Variants in MAP4K3 observed in about 807,000 individuals in gnomAD.
MAP4K3 encodes the protein mitogen-activated protein kinase kinase kinase kinase 3.
A neutral mutation model predicts 143.5 loss-of-function variants in MAP4K3; 94 were observed. The ratio of observed to expected loss-of-function variants is 0.65; its 90% CI spans 0.55 to 0.78. MAP4K3 has a LOEUF of 0.78. Among genes scored for constraint, MAP4K3 ranks in the 30% least tolerant of loss-of-function variants. The pLI is 0.00. For missense variants in MAP4K3, 1,077 were observed against 1,068.1 expected (o/e 1.01, Z -0.12); for synonymous variants, 416 against 347.2 (o/e 1.20, Z -2.20).
chr2:39,267,769 A>G (rs1417504392), intron 26 of MAP4K3, among the ~76,000 whole-genome samples: 4 of 152,182 alleles, frequency 2.6e-5, no homozygotes, highest in Non-Finnish European at 5.9e-5. Context: ...AAATATGAAA[A>G]CAAACTATAG....
intron 2 of MAP4K3, among the ~76,000 whole-genome samples, chr2:39,375,860 C>T (rs981882508): frequency 6.6e-6 from 1 of 152,212 alleles, no homozygotes; most frequent in Admixed American, 6.5e-5. Context: ...GTGTGTCTAG[C>T]TCCTTTCACT....
chr2:39,257,279 C>T (rs1290198686), intron 31 of MAP4K3, among the ~76,000 whole-genome samples: 14 of 152,132 alleles, frequency 9.2e-5, no homozygotes. Flanking sequence ...TGAATGTAGT[C>T]ATTTAAAAGT....
At chr2:39,299,680 T>C (rs531420112) in intron 16 of MAP4K3, 63 bp downstream of exon 16, 6 of 851,616 alleles carry the variant, frequency 7.0e-6, no homozygotes, top group Middle Eastern at 7.2e-4. Flanking sequence ...TATTAAAATA[T>C]AATATTAAAG....
chr2:39,434,017 A>T (rs1359805160), intron 1 of MAP4K3, among the ~76,000 whole-genome samples: 1 of 152,236 alleles, frequency 6.6e-6, no homozygotes, highest in Non-Finnish European at 1.5e-5. Context: ...ATCCTTGTTC[A>T]GTGCTTTGGA....
chr2:39,293,275 AG>A lies in MAP4K3; in HGVS notation c.1179-8del. The A allele has an allele frequency of 6.6e-7, 1 of 1,519,648 alleles. No homozygotes were observed. The highest frequency in any genetic ancestry group is 8.9e-7 in the Non-Finnish European group (1 of 1,123,276). 94.1% of individuals were successfully genotyped at this position (1,519,648 alleles called of 1,614,324 possible). The stretch of plus-strand genomic sequence containing the variant: ...AACAGACTTGAGAAGACTCCTTAAA[AG>A]AAAAAACAAAAACAAAAAATAATGT... On this transcript the variant is annotated splice_polypyrimidine_tract_variant and splice_region_variant and intron_variant, in intron 16 of 33. Transcript: ENST00000263881.
At chr2:39,341,669 AT>A (rs1665143907) in intron 4 of MAP4K3, among the ~76,000 whole-genome samples, 1 of 151,794 alleles carries the variant, frequency 6.6e-6, no homozygotes, top group African/African-American at 2.4e-5. Flanking sequence ...AAAAAAAAAA[AT>A]TCAGCAAAAG....
rs1014877974 is a variant in MAP4K3 at position 39,280,427 on chromosome 2, T to C, written c.1630-71A>G. The C allele has an allele frequency of 6.1e-6, 5 of 820,420 alleles. No individual in the cohort carries two copies. The East Asian group carries it at 1.1e-4, about 18-fold the overall frequency. The allele number at this position is 820,420 out of a possible 1,614,324, so 50.8% of individuals were successfully genotyped here. A position where few individuals can be genotyped will look rare whatever the true frequency, so the allele number is the denominator to read the frequency against. ...GTCTTTAATATATAAAATGTAACTA[T>C]TATCTATTTTAATGTGAGAGTCTAT... On this transcript the variant is annotated intron_variant, in intron 22 of 33. Coordinates refer to ENST00000263881, the MANE Select transcript of MAP4K3 (RefSeq NM_003618.4).
intron 1 of MAP4K3, among the ~76,000 whole-genome samples, chr2:39,380,501 G>A (rs931981727): frequency 6.6e-6 from 1 of 152,010 alleles, no homozygotes; most frequent in Non-Finnish European, 1.5e-5. Flanking sequence ...TTAAAAAGGA[G>A]AGCAAGATAG....
At chr2:39,431,585 G>C (rs2148639217) in intron 1 of MAP4K3, among the ~76,000 whole-genome samples, 1 of 152,254 alleles carries the variant, frequency 6.6e-6, no homozygotes, top group South Asian at 2.1e-4. Context: ...CATTTGAGCT[G>C]AGACTTTAAA....
chr2:39,380,013 A>G (rs1410161844), intron 1 of MAP4K3, among the ~76,000 whole-genome samples: 2 of 152,272 alleles, frequency 1.3e-5, no homozygotes, highest in African/African-American at 2.4e-5. Flanking sequence ...ACCAAGGTCA[A>G]TATTTCCTAT....
intron 1 of MAP4K3, among the ~76,000 whole-genome samples, chr2:39,381,859 C>T (rs1326381637): frequency 6.6e-6 from 1 of 152,152 alleles, no homozygotes; most frequent in Admixed American, 6.5e-5. Flanking sequence ...AGACATCCTT[C>T]GAAGCTCAGC....
intron 24 of MAP4K3, among the ~76,000 whole-genome samples, chr2:39,277,331 TTCA>T (rs1445930327): frequency 6.6e-5 from 10 of 152,206 alleles, no homozygotes; most frequent in Non-Finnish European, 1.2e-4. Flanking sequence ...CAAACTTCTA[TTCA>T]TCATAATTTA....
In MAP4K3 at chr2:39,410,354, G is replaced by A. The variant is rs867008122; in HGVS notation, c.96+26538C>T. On this transcript the variant is annotated intron_variant, in intron 1 of 33. Coordinates refer to ENST00000263881, the MANE Select transcript of MAP4K3 (RefSeq NM_003618.4). Reference sequence around the variant, plus strand: ...CATCCTGTACCCATGTCAATAATTAGACATAATTTTACAATCCTAGAAAAT... The same window carrying A: ...CATCCTGTACCCATGTCAATAATTAAACATAATTTTACAATCCTAGAAAAT... Among the ~76,000 whole-genome samples, 4 of 152,104 alleles carry A rather than the reference G, an allele frequency of 2.6e-5. No individual in the cohort carries two copies. In the South Asian group the frequency reaches 8.3e-4, roughly 32 times the overall value.
At position 39,431,935 on chromosome 2, in the gene MAP4K3, T is replaced by C. The variant is rs1022903447; in HGVS notation, c.96+4957A>G. Among the ~76,000 whole-genome samples, 35 of 152,274 alleles carry C rather than the reference T, an allele frequency of 2.3e-4. 1 individual carries two copies. The highest frequency in any genetic ancestry group is 6.5e-5 in the Admixed American group (1 of 15,296). ...CCAGAACCCTGTTCTCAAATCACTA[T>C]GCTGTGCTACAGAGGTCGGTTGTGC... On this transcript the variant is annotated intron_variant, in intron 1 of 33. Transcript: ENST00000263881.
intron 1 of MAP4K3, among the ~76,000 whole-genome samples, chr2:39,389,661 T>A (rs1305682728): frequency 6.6e-6 from 1 of 152,190 alleles, no homozygotes; most frequent in Non-Finnish European, 1.5e-5. Flanking sequence ...CAGTCTAGAA[T>A]TATATTCTCA....
chr2:39,282,543 A>G lies in MAP4K3; in HGVS notation c.1599T>C (p.Ser533=). The G allele has an allele frequency of 6.2e-7, 1 of 1,611,508 alleles. No individual in the cohort carries two copies. The highest frequency in any genetic ancestry group is 8.5e-7 in the Non-Finnish European group (1 of 1,178,502). ...CTTTAGGTGTTGGAGGAAGACCATT[A>G]CTAATAGGCTTCTAGAAAAAGAACA... ...KEKKDVPKPI[S]NGLPPTPKVH... is the part of the protein sequence containing the mutation. Residue 533 remains serine (S), a synonymous_variant, in exon 22 of 34, where the codon AGT becomes AGC. Transcript: ENST00000263881.
At chr2:39,286,823 A>T (rs1191777679) in intron 21 of MAP4K3, 29 bp downstream of exon 21, 2 of 1,428,288 alleles carry the variant, frequency 1.4e-6, no homozygotes, top group East Asian at 4.6e-5. Context: ...AAACAAATAC[A>T]AGTAGAACTT....
In MAP4K3 at chr2:39,288,230, AT is replaced by A; in HGVS notation, c.1364del (p.Asn455IlefsTer37). The stretch of plus-strand genomic sequence containing the variant: ...TGGGACATCTCTTGATTGTTCCTTG[AT>A]TTTCATCCTCAGTAGAATGCATTTC... ...PQEMHSTEDE[N>X]QGTIKRCPMS... is the part of the protein sequence containing the mutation. On this transcript the variant is annotated frameshift_variant, in exon 20 of 34. Coordinates refer to ENST00000263881, the MANE Select transcript of MAP4K3 (RefSeq NM_003618.4). LOFTEE classifies it high-confidence loss of function. 3.1e-6 allele frequency: 5 copies of A among 1,614,068 alleles called. No homozygotes were observed. Among genetic ancestry groups the A allele is most frequent in the Non-Finnish European group, 4.2e-6 (5 of 1,179,980 alleles).
chr2:39,365,286 T>C (rs921399443), intron 2 of MAP4K3, among the ~76,000 whole-genome samples: 28 of 152,256 alleles, frequency 1.8e-4, no homozygotes, highest in Non-Finnish European at 7.4e-5. Context: ...GAGGGTATAA[T>C]GAGGATGTCG....
Sources: allele counts gnomAD v4.1 joint callset (sites outside exome capture counted in the v4.1 genomes callset), GRCh38; gene constraint gnomAD v4.1.1; transcripts MANE v1.5; gene names NCBI Gene and HGNC (gene_info 2026-07-23, HGNC 2026-07-21).